EYS: variants seen among roughly 807,000 people sequenced by gnomAD.
EYS encodes the protein EGF-like photoreceptor maintenance factor, also known as protein eyes shut homolog.
A neutral mutation model predicts 282.1 loss-of-function variants in EYS; 250 were observed. The ratio of observed to expected loss-of-function variants is 0.89; its 90% CI spans 0.80 to 0.98. The LOEUF (loss-of-function observed/expected upper bound fraction) is 0.98. Ranked by LOEUF, EYS falls within the 50% of genes least tolerant of loss-of-function variation. The probability of loss-of-function intolerance (pLI) is 0.00; values close to 1 mark genes in which losing one functional copy is unlikely to be tolerated. For missense variants in EYS, 4,016 were observed against 3,709.0 expected (o/e 1.08, Z -2.15); for synonymous variants, 1,355 against 1,282.9 (o/e 1.06, Z -1.20).
At chr6:65,249,407 G>A (rs1026825710) in intron 12 of EYS, among the ~76,000 whole-genome samples, 14 of 151,996 alleles carry the variant, frequency 9.2e-5, no homozygotes, top group Non-Finnish European at 1.6e-4. Context: ...AAATTTTTGA[G>A]AAACATCTCA....
rs144473267 is a variant in EYS at position 64,340,992 on chromosome 6, C to T, written c.6079-33910G>A. ...TCATTGTCACTAATCATCAGAGAAA[C>T]GCAAATCCAAACCACAACGAGATAC... is the stretch of plus-strand genomic sequence containing the variant. On this transcript the variant is annotated intron_variant, in intron 29 of 42. Coordinates refer to ENST00000503581, the MANE Select transcript of EYS (RefSeq NM_001142800.2). 1.6e-4 allele frequency among the ~76,000 whole-genome samples: 25 copies of T among 151,536 alleles called. No individual in the cohort carries two copies. The East Asian group carries it at 1.9e-3, about 12-fold the overall frequency.
chr6:64,660,937 C>T (rs1416924407), intron 22 of EYS, among the ~76,000 whole-genome samples: 2 of 152,160 alleles, frequency 1.3e-5, no homozygotes, highest in South Asian at 2.1e-4. Flanking sequence ...CAAGTCAATC[C>T]TAAGCCAAAA....
intron 26 of EYS, among the ~76,000 whole-genome samples, chr6:64,587,539 A>T (rs1766271397): frequency 6.6e-6 from 1 of 152,090 alleles, no homozygotes; most frequent in South Asian, 2.1e-4. Flanking sequence ...TTCCAGTAAT[A>T]TGTTTTAGTG....
chr6:65,498,992 A>C (rs1400389044), intron 2 of EYS, among the ~76,000 whole-genome samples: 1 of 152,016 alleles, frequency 6.6e-6, no homozygotes, highest in Admixed American at 6.6e-5. Context: ...CCAGAAACCC[A>C]GAACTACGAT....
intron 2 of EYS, among the ~76,000 whole-genome samples, chr6:65,585,030 CAAGATAA>C (rs1282402285): frequency 2.6e-5 from 4 of 151,720 alleles, no homozygotes; most frequent in African/African-American, 9.6e-5. Context: ...GGATATTTTA[CAAGATAA>C]AAGTGTGGTC....
intron 26 of EYS, among the ~76,000 whole-genome samples, chr6:64,528,138 A>G (rs1003144294): frequency 2.0e-5 from 3 of 151,890 alleles, no homozygotes; most frequent in Non-Finnish European, 2.9e-5. Flanking sequence ...ATAATCTGGA[A>G]TACATTTTTC....
chr6:64,822,563 A>G, intron 20 of EYS, 88 bp downstream of exon 20: 1 of 1,111,178 alleles, frequency 9.0e-7, no homozygotes, highest in East Asian at 2.7e-5. Context: ...AATTAAAATT[A>G]TCTTTATCAA....
At chr6:64,997,863 T>A (rs1771325087) in intron 13 of EYS, among the ~76,000 whole-genome samples, 160 bp from the exon 14 acceptor site, 1 of 152,178 alleles carries the variant, frequency 6.6e-6, no homozygotes, top group Non-Finnish European at 1.5e-5. Context: ...TCTACAATAT[T>A]TTCTAAATAA....
At chr6:64,523,085 GT>G (rs1777808567) in intron 26 of EYS, among the ~76,000 whole-genome samples, 1 of 151,330 alleles carries the variant, frequency 6.6e-6, no homozygotes, top group Non-Finnish European at 1.5e-5. Context: ...ATCATTAACA[GT>G]TTTAGCATTT....
chr6:63,962,782 A>G (rs983840430), intron 35 of EYS, among the ~76,000 whole-genome samples: 1 of 151,744 alleles, frequency 6.6e-6, no homozygotes, highest in African/African-American at 2.4e-5. Flanking sequence ...GGATTATAAA[A>G]CATGCTGCTA....
intron 2 of EYS, among the ~76,000 whole-genome samples, chr6:65,508,981 T>G (rs1391868667): frequency 6.6e-6 from 1 of 152,148 alleles, no homozygotes; most frequent in East Asian, 1.9e-4. Flanking sequence ...AAGACTGCAG[T>G]GTAGCTCCGG....
At chr6:63,963,506 A>G (rs1766172725) in intron 35 of EYS, among the ~76,000 whole-genome samples, 1 of 152,218 alleles carries the variant, frequency 6.6e-6, no homozygotes. Context: ...GCTTCAAGAA[A>G]GAATAACACG....
chr6:65,245,097 T>G (rs1582058277), intron 12 of EYS, among the ~76,000 whole-genome samples: 1 of 152,298 alleles, frequency 6.6e-6, no homozygotes, highest in South Asian at 2.1e-4. Flanking sequence ...TGAACAGTAC[T>G]AGAATTCAAT....
intron 35 of EYS, among the ~76,000 whole-genome samples, chr6:63,977,885 A>G (rs1766915820): frequency 6.6e-6 from 1 of 152,072 alleles, no homozygotes; most frequent in Non-Finnish European, 1.5e-5. Flanking sequence ...TCAAGAATGC[A>G]TTACATTCCT....
intron 26 of EYS, among the ~76,000 whole-genome samples, chr6:64,457,603 T>G (rs4112817): frequency 0.28 from 42,100 of 151,908 alleles, 5,960 homozygotes; most frequent in East Asian, 0.46. Flanking sequence ...TATCATACTA[T>G]AGTGACCTCC....
chr6:63,815,815 A>G (rs1771163784), intron 36 of EYS, among the ~76,000 whole-genome samples: 2 of 152,180 alleles, frequency 1.3e-5, no homozygotes, highest in Admixed American at 1.3e-4. Flanking sequence ...TGCATACACA[A>G]ATATACAGGT....
At chr6:65,563,810 C>A (rs1769158165) in intron 2 of EYS, among the ~76,000 whole-genome samples, 1 of 152,162 alleles carries the variant, frequency 6.6e-6, no homozygotes, top group South Asian at 2.1e-4. Context: ...TTGTGGGCCA[C>A]AACTCCCAAT....
At chr6:64,947,791 G>C (rs1307189514) in intron 14 of EYS, among the ~76,000 whole-genome samples, 1 of 151,508 alleles carries the variant, frequency 6.6e-6, no homozygotes, top group Non-Finnish European at 1.5e-5. Context: ...TGTGGTGAAT[G>C]GGAGAAAATC....
chr6:64,075,460 C>T (rs77350371), intron 32 of EYS, among the ~76,000 whole-genome samples: 14,997 of 151,868 alleles, frequency 0.099, 1,356 homozygotes, highest in African/African-American at 0.24. Flanking sequence ...CTAATTGTGC[C>T]TAACCAGTAA....
Sources: allele counts gnomAD v4.1 joint callset (sites outside exome capture counted in the v4.1 genomes callset), GRCh38; gene constraint gnomAD v4.1.1; transcripts MANE v1.5; gene names NCBI Gene and HGNC (gene_info 2026-07-23, HGNC 2026-07-21).